Variants in ASZ1 observed in about 807,000 individuals in gnomAD.
ASZ1 encodes ankyrin repeat, SAM and basic leucine zipper domain containing 1.
ASZ1 carries 67 observed loss-of-function variants against 61.8 expected under a neutral mutation model. The ratio of observed to expected loss-of-function variants is 1.08; its 90% CI spans 0.89 to 1.33. The LOEUF (loss-of-function observed/expected upper bound fraction) is 1.33. Among genes scored for constraint, ASZ1 ranks in the 40% most tolerant of loss-of-function variants. The pLI, the probability that ASZ1 is intolerant of heterozygous loss-of-function variation, is 0.00. For missense variants in ASZ1, 577 were observed against 554.5 expected, an observed-to-expected ratio of 1.04 and a Z score of -0.41; for synonymous variants, 193 against 192.7, an observed-to-expected ratio of 1.00 and a Z score of -0.01.
intron 10 of ASZ1, among the ~76,000 whole-genome samples, chr7:117,374,037 G>T (rs1289674016): frequency 6.6e-6 from 1 of 151,924 alleles, no homozygotes; most frequent in Non-Finnish European, 1.5e-5. Flanking sequence ...CAATGATGAG[G>T]CATTATTTTA....
Position 117,363,869 on chromosome 7 carries a change from CA to C in ASZ1, c.1276-122del, listed in dbSNP as rs1399670057. 5.1e-6 allele frequency: 4 copies of C among 786,844 alleles called. No individual in the cohort carries two copies. In the African/African-American group the frequency reaches 7.2e-5, roughly 14 times the overall value. The allele number at this position is 786,844 out of a possible 1,614,324, so 48.7% of individuals were successfully genotyped here. ...TCATTTCACTTGATTTAGATGTAGG[CA>C]ACTCAAGATTCCCATGGAAGATTTA... On this transcript the variant is annotated intron_variant, in intron 12 of 12. Transcript: ENST00000284629.
chr7:117,425,207 ATTAT>A, intron 2 of ASZ1, among the ~76,000 whole-genome samples: 1 of 149,082 alleles, frequency 6.7e-6, no homozygotes, highest in South Asian at 2.1e-4. Context: ...AAAAACCACA[ATTAT>A]TTTTGCATCA....
At chr7:117,383,885 A>G (rs1263730200) in intron 6 of ASZ1, among the ~76,000 whole-genome samples, 3 of 152,072 alleles carry the variant, frequency 2.0e-5, no homozygotes, top group African/African-American at 7.2e-5. Flanking sequence ...TGTAGTGATT[A>G]CTGTTTATCC....
intron 4 of ASZ1, among the ~76,000 whole-genome samples, chr7:117,399,658 G>GA (rs1179177217): frequency 6.7e-6 from 1 of 150,000 alleles, no homozygotes; most frequent in Non-Finnish European, 1.5e-5. Flanking sequence ...CGAACCTATA[G>GA]AGTTATAAGG....
chr7:117,406,508 C>T (rs1465392079), intron 4 of ASZ1, among the ~76,000 whole-genome samples: 2 of 152,122 alleles, frequency 1.3e-5, no homozygotes, highest in African/African-American at 4.8e-5. Flanking sequence ...AATCCCAGCA[C>T]TTTGGGAGGC....
At chr7:117,365,155 G>GA (rs1279359709) in intron 12 of ASZ1, among the ~76,000 whole-genome samples, 1 of 152,112 alleles carries the variant, frequency 6.6e-6, no homozygotes, top group Non-Finnish European at 1.5e-5. Context: ...AGACTAATCT[G>GA]AAAAAACCAA....
chr7:117,425,315 G>A (rs1797179884), intron 2 of ASZ1, among the ~76,000 whole-genome samples: 1 of 132,786 alleles, frequency 7.5e-6, no homozygotes, highest in Non-Finnish European at 1.5e-5. Flanking sequence ...GCCCAGGCTG[G>A]AGTGCAGTGG....
At chr7:117,374,564 C>T (rs1319883671) in intron 10 of ASZ1, among the ~76,000 whole-genome samples, 1 of 151,972 alleles carries the variant, frequency 6.6e-6, no homozygotes, top group East Asian at 1.9e-4. Context: ...ATATAATCCT[C>T]ATTTGTAAAA....
chr7:117,366,575 C>T (rs1262945843), intron 12 of ASZ1, among the ~76,000 whole-genome samples: 1 of 151,752 alleles, frequency 6.6e-6, no homozygotes, highest in Non-Finnish European at 1.5e-5. Flanking sequence ...CAAAGGTTCC[C>T]ATTCCAACAG....
At chr7:117,366,210 G>A (rs1703102001) in intron 12 of ASZ1, among the ~76,000 whole-genome samples, 1 of 151,968 alleles carries the variant, frequency 6.6e-6, no homozygotes, top group Non-Finnish European at 1.5e-5. Context: ...GTTGCAGTGA[G>A]CCAAGATTGC....
At chr7:117,416,551 T>C (rs1796995925) in intron 4 of ASZ1, among the ~76,000 whole-genome samples, 1 of 152,194 alleles carries the variant, frequency 6.6e-6, no homozygotes, top group South Asian at 2.1e-4. Context: ...ACTCTATAAT[T>C]CTAGAACAGA....
At position 117,363,712 on chromosome 7, in the gene ASZ1, G is replaced by A; in HGVS notation, c.1312C>T (p.Gln438Ter). 1 of 1,591,306 alleles carries A rather than the reference G, an allele frequency of 6.3e-7. No homozygotes were observed. The highest frequency in any genetic ancestry group is 8.6e-7 in the Non-Finnish European group (1 of 1,168,832). The change falls in exon 13 of 13, where the codon CAA (glutamine) becomes TAA (stop). Residue 438 changes from glutamine (Q) to a stop codon, truncating the protein, a stop_gained. Transcript: ENST00000284629. LOFTEE classifies it high-confidence loss of function. ...CATGTAGATACTTCTTCCCTTAATT[G>A]TATATGAGTTGGATCATTTTCCCGT... ...NERENDPTHI[Q>*]LREEVSTWNS...
chr7:117,385,421 G>T (rs1796334782), intron 5 of ASZ1, among the ~76,000 whole-genome samples: 1 of 151,814 alleles, frequency 6.6e-6, no homozygotes, highest in Non-Finnish European at 1.5e-5. Context: ...CACCATGCCT[G>T]GCTAATTTTT....
intron 11 of ASZ1, chr7:117,368,152 C>T (rs1472067197): frequency 5.5e-6 from 4 of 728,556 alleles, no homozygotes; most frequent in Non-Finnish European, 5.0e-6. Context: ...GTCTCAAACT[C>T]CTGGCCTCAA....
intron 6 of ASZ1, among the ~76,000 whole-genome samples, chr7:117,383,494 C>A (rs902859970): frequency 2.6e-5 from 4 of 151,780 alleles, no homozygotes; most frequent in African/African-American, 4.8e-5. Flanking sequence ...ACTAAAAATT[C>A]CATTTGGATA....
intron 4 of ASZ1, among the ~76,000 whole-genome samples, chr7:117,414,005 C>T (rs955504076): frequency 6.6e-6 from 1 of 151,784 alleles, no homozygotes; most frequent in African/African-American, 2.4e-5. Context: ...ATTTAGTGAC[C>T]TAGAGGGAGG....
chr7:117,389,091 G>A (rs1796414701), intron 4 of ASZ1, among the ~76,000 whole-genome samples: 1 of 152,046 alleles, frequency 6.6e-6, no homozygotes, highest in African/African-American at 2.4e-5. Context: ...TTGCATATAT[G>A]CATATATAAA....
chr7:117,397,754 A>G (rs1392314654), intron 4 of ASZ1, among the ~76,000 whole-genome samples: 1 of 152,262 alleles, frequency 6.6e-6, no homozygotes, highest in Non-Finnish European at 1.5e-5. Context: ...TCCACAGCCT[A>G]GTAACAAAGG....
chr7:117,411,303 C>T (rs1397054088), intron 4 of ASZ1, among the ~76,000 whole-genome samples: 2 of 151,728 alleles, frequency 1.3e-5, no homozygotes, highest in African/African-American at 2.4e-5. Flanking sequence ...GTAAAATCAG[C>T]TCCTATATGT....
Sources: gnomAD v4.1 joint callset for allele counts (sites outside exome capture counted in the v4.1 genomes callset) on GRCh38, gnomAD v4.1.1 for gene constraint, MANE v1.5 for transcripts, NCBI Gene and HGNC (gene_info 2026-07-23, HGNC 2026-07-21) for gene names.